The following CNIH3 variants were observed in gnomAD, a reference collection of about 807,000 sequenced individuals.
CNIH3 encodes the protein cornichon family AMPA receptor auxiliary protein 3.
In CNIH3, 14 loss-of-function variants were observed where a neutral mutation model predicts 24.1. The observed-to-expected ratio is 0.58, with a 90% confidence interval of 0.38 to 0.91. The LOEUF (loss-of-function observed/expected upper bound fraction) is 0.91, where lower values mean the gene tolerates loss of function less well. Among genes scored for constraint, CNIH3 ranks in the 40% least tolerant of loss-of-function variants. The probability of loss-of-function intolerance (pLI) is 0.00; values close to 1 mark genes in which losing one functional copy is unlikely to be tolerated. For missense variants in CNIH3, 178 were observed against 196.8 expected (o/e 0.90, Z 0.57); for synonymous variants, 68 against 73.8 (o/e 0.92, Z 0.40).
chr1:224,577,369 C>A (rs58725094), intron 4 of CNIH3, among the ~76,000 whole-genome samples: 38,814 of 151,656 alleles, frequency 0.26, 5,116 homozygotes, highest in Admixed American at 0.35. Flanking sequence ...AAGAAAAAAA[C>A]CAAATAATCC....
At chr1:224,488,589 T>C (rs528609732) in intron 1 of CNIH3, among the ~76,000 whole-genome samples, 1 of 152,036 alleles carries the variant, frequency 6.6e-6, no homozygotes, top group African/African-American at 2.4e-5. Flanking sequence ...GCCTCCTGAA[T>C]AGGACTGCAA....
intron 1 of CNIH3, among the ~76,000 whole-genome samples, chr1:224,674,746 T>C (rs146915218): frequency 1.6e-3 from 244 of 152,090 alleles, no homozygotes; most frequent in South Asian, 3.7e-3. Flanking sequence ...TGTTCTCTGT[T>C]TGTAGCTGCC....
At chr1:224,487,189 C>A (rs1357593460) in intron 1 of CNIH3, among the ~76,000 whole-genome samples, 1 of 152,200 alleles carries the variant, frequency 6.6e-6, no homozygotes, top group African/African-American at 2.4e-5. Context: ...GTGCCTGAAA[C>A]CATGTCCTTA....
At chr1:224,552,148 C>G (rs1236563925) in intron 3 of CNIH3, among the ~76,000 whole-genome samples, 4 of 151,276 alleles carry the variant, frequency 2.6e-5, no homozygotes, top group Admixed American at 2.6e-4. Flanking sequence ...CAAATAATAT[C>G]ACAGGGTGTA....
At chr1:224,484,170 T>TTA (rs1340297469) in intron 1 of CNIH3, among the ~76,000 whole-genome samples, 4 of 38,956 alleles carry the variant, frequency 1.0e-4, no homozygotes, top group Non-Finnish European at 2.3e-4. Context: ...AAACTCTGTC[T>TTA]CAAAAAAAAA....
intron 4 of CNIH3, among the ~76,000 whole-genome samples, chr1:224,580,731 G>A (rs535322014): frequency 6.6e-6 from 1 of 151,760 alleles, no homozygotes; most frequent in African/African-American, 2.4e-5. Flanking sequence ...GGAGACTGAG[G>A]CAGGAGAATC....
chr1:224,513,337 G>C (rs900879851), upstream of CNIH3, among the ~76,000 whole-genome samples: 32 of 127,754 alleles, frequency 2.5e-4, no homozygotes, highest in African/African-American at 9.7e-4. Flanking sequence ...AATTTTTGTA[G>C]AGTTGGGGGT....
At chr1:224,481,338 C>A (rs1455310342) in intron 1 of CNIH3, among the ~76,000 whole-genome samples, 2 of 152,184 alleles carry the variant, frequency 1.3e-5, no homozygotes, top group African/African-American at 4.8e-5. Flanking sequence ...GAAGAGTTAG[C>A]TATTTATTGT....
rs71170028 is a variant in CNIH3, at chr1:224,674,272, GTTTTTTTTTTTTTTTTTTTTTTT to G, written c.82-6673_82-6651del. Among the ~76,000 whole-genome samples the G allele has an allele frequency of 6.9e-5, 5 of 72,080 alleles. No homozygotes were observed. The East Asian group carries it at 1.2e-3, about 17-fold the overall frequency. 47.3% of individuals were successfully genotyped at this position (72,080 alleles called of 152,430 possible). On this transcript the variant is annotated intron_variant, in intron 1 of 5. Coordinates refer to ENST00000272133, the MANE Select transcript of CNIH3 (RefSeq NM_152495.2). ...AATCGTTTCTTCATCTTCCAGGAAGGTTTTTTTTTTTTTTTTTTTTTTTTTTTTTTTTTTTGCCATAGTACAGC... is the reference window on the plus strand; with the variant it reads ...AATCGTTTCTTCATCTTCCAGGAAGGTTTTTTTTTTTTGCCATAGTACAGC...
At chr1:224,601,854 C>T (rs1682225127) in intron 3 of CNIH3, among the ~76,000 whole-genome samples, 1 of 152,182 alleles carries the variant, frequency 6.6e-6, no homozygotes, top group Non-Finnish European at 1.5e-5. Flanking sequence ...ATTGTATCAT[C>T]CAGTGGTGAT....
chr1:224,667,225 T>C (rs748188724), intron 1 of CNIH3, among the ~76,000 whole-genome samples: 7 of 152,046 alleles, frequency 4.6e-5, no homozygotes, highest in Non-Finnish European at 1.0e-4. Flanking sequence ...ATAAAGAAAA[T>C]GTAAAATAAT....
intron 3 of CNIH3, among the ~76,000 whole-genome samples, chr1:224,713,773 G>GT (rs1194660574): frequency 6.6e-6 from 1 of 152,148 alleles, no homozygotes; most frequent in African/African-American, 2.4e-5. Context: ...GCCTCACTGA[G>GT]TTTTGCTCCT....
chr1:224,587,741 C>G (rs945526291), intron 5 of CNIH3, among the ~76,000 whole-genome samples: 2 of 151,908 alleles, frequency 1.3e-5, no homozygotes, highest in African/African-American at 4.8e-5. Context: ...GAGTTTGAGA[C>G]CAGCCTGGGT....
At chr1:224,520,420 A>G (rs74146368) in intron 1 of CNIH3, among the ~76,000 whole-genome samples, 3,776 of 152,330 alleles carry the variant, frequency 0.025, 156 homozygotes, top group African/African-American at 0.086. Context: ...AAGCAGGCTC[A>G]TCCTCAACAT....
rs958872300 is a variant in CNIH3 at position 224,650,650 on chromosome 1, G to A, written c.82-30308G>A. 5.3e-5 allele frequency among the ~76,000 whole-genome samples: 8 copies of A among 152,088 alleles called. No individual in the cohort carries two copies. The East Asian group carries it at 5.8e-4, about 11-fold the overall frequency. On this transcript the variant is annotated intron_variant, in intron 1 of 5. Transcript: ENST00000272133. ...AAGGACTGCTCCAATTTAAACACCC[G>A]CAACAACAAAAGTTGTTTTAGCAAA...
chr1:224,455,446 A>G (rs1415597559), intron 1 of CNIH3, among the ~76,000 whole-genome samples: 3 of 152,160 alleles, frequency 2.0e-5, no homozygotes, highest in African/African-American at 7.2e-5. Context: ...ATGAAGTAGA[A>G]CTTGTGACTG....
At chr1:224,736,167 C>T (rs1044688733) in intron 5 of CNIH3, among the ~76,000 whole-genome samples, 12 of 152,066 alleles carry the variant, frequency 7.9e-5, no homozygotes, top group African/African-American at 2.7e-4. Flanking sequence ...ACTCTGTCTC[C>T]CAGGCTAGAC....
intron 3 of CNIH3, among the ~76,000 whole-genome samples, chr1:224,597,859 G>A (rs1460328341): frequency 6.6e-6 from 1 of 152,150 alleles, no homozygotes; most frequent in Non-Finnish European, 1.5e-5. Flanking sequence ...AAATGACCTG[G>A]GGTTGGTAAT....
chr1:224,561,658 T>C (rs1210986153), intron 3 of CNIH3, among the ~76,000 whole-genome samples: 1 of 152,220 alleles, frequency 6.6e-6, no homozygotes, highest in Non-Finnish European at 1.5e-5. Context: ...AGGATCTTCC[T>C]ACCAGTCTTC....
Sources: gnomAD v4.1 joint callset for allele counts (sites outside exome capture counted in the v4.1 genomes callset) on GRCh38, gnomAD v4.1.1 for gene constraint, MANE v1.5 for transcripts, NCBI Gene and HGNC (gene_info 2026-07-23, HGNC 2026-07-21) for gene names.